CDH12: variants seen among roughly 807,000 people sequenced by gnomAD.
CDH12 encodes the protein cadherin-12.
CDH12 carries 41 observed loss-of-function variants against 74.1 expected under a neutral mutation model. The ratio of observed to expected loss-of-function variants is 0.55; its 90% confidence interval spans 0.43 to 0.72. The LOEUF (loss-of-function observed/expected upper bound fraction) is 0.72, where lower values mean the gene tolerates loss of function less well. Among genes scored for constraint, CDH12 ranks in the 30% least tolerant of loss-of-function variants. The probability of loss-of-function intolerance (pLI) is 0.00; values close to 1 mark genes in which losing one functional copy is unlikely to be tolerated. For synonymous variants in CDH12, 399 were observed against 355.0 expected (o/e 1.12, Z -1.39); for missense variants, 945 against 977.2 (o/e 0.97, Z 0.44).
chr5:21,882,569 T>TGCA (rs1752412440), intron 6 of CDH12: 11 of 1,487,638 alleles, frequency 7.4e-6, no homozygotes, highest in Non-Finnish European at 1.0e-5. Flanking sequence ...GCGCATGCCC[T>TGCA]GCAGCCGCCC....
intron 3 of CDH12, among the ~76,000 whole-genome samples, chr5:22,296,146 T>C (rs907871304): frequency 5.3e-5 from 8 of 151,836 alleles, no homozygotes; most frequent in African/African-American, 1.9e-4. Context: ...TAAAAATGTA[T>C]TAGAAAAATT....
chr5:21,916,637 T>G (rs922945067), intron 6 of CDH12, among the ~76,000 whole-genome samples: 1 of 152,140 alleles, frequency 6.6e-6, no homozygotes, highest in Admixed American at 6.6e-5. Flanking sequence ...GTAAGTGACA[T>G]CTGCTTCCAG....
intron 3 of CDH12, among the ~76,000 whole-genome samples, chr5:22,374,250 A>T (rs964700729): frequency 1.3e-5 from 2 of 152,182 alleles, no homozygotes; most frequent in African/African-American, 4.8e-5. Flanking sequence ...AATGGAAAAA[A>T]AATCAATATC....
At chr5:21,957,319 T>C (rs184571867) in intron 6 of CDH12, among the ~76,000 whole-genome samples, 252 of 152,332 alleles carry the variant, frequency 1.7e-3, no homozygotes, top group African/African-American at 5.9e-3. Flanking sequence ...CTCTTATTGA[T>C]GAGCATTGAG....
At chr5:22,656,562 G>T (rs932399295) in intron 1 of CDH12, among the ~76,000 whole-genome samples, 4 of 152,092 alleles carry the variant, frequency 2.6e-5, no homozygotes, top group Non-Finnish European at 4.4e-5. Flanking sequence ...GCTGTAACTT[G>T]AACAAATTGA....
At chr5:22,514,170 A>T (rs2126676209) in intron 1 of CDH12, among the ~76,000 whole-genome samples, 1 of 152,196 alleles carries the variant, frequency 6.6e-6, no homozygotes, top group African/African-American at 2.4e-5. Flanking sequence ...AGAGTAAGAT[A>T]AAAATATGTC....
chr5:22,605,352 A>T (rs1378251885), intron 1 of CDH12, among the ~76,000 whole-genome samples: 1 of 152,182 alleles, frequency 6.6e-6, no homozygotes, highest in African/African-American at 2.4e-5. Flanking sequence ...TCCTGACTGA[A>T]GCACCTATGA....
chr5:21,978,503 T>TA (rs1757164659), intron 5 of CDH12, among the ~76,000 whole-genome samples: 1 of 152,314 alleles, frequency 6.6e-6, no homozygotes, highest in East Asian at 1.9e-4. Context: ...GGTAAATATA[T>TA]ATAAATACAT....
At chr5:22,409,019 C>T (rs1743069124) in intron 2 of CDH12, among the ~76,000 whole-genome samples, 1 of 151,956 alleles carries the variant, frequency 6.6e-6, no homozygotes, top group Non-Finnish European at 1.5e-5. Flanking sequence ...ATATTAGTAT[C>T]TTAATAAAAA....
intron 4 of CDH12, among the ~76,000 whole-genome samples, chr5:22,175,875 T>C (rs1749303641): frequency 6.6e-6 from 1 of 152,280 alleles, no homozygotes; most frequent in South Asian, 2.1e-4. Context: ...AGGAGCTTTC[T>C]CCTTTTAACT....
intron 1 of CDH12, among the ~76,000 whole-genome samples, chr5:22,715,392 C>T (rs1467609673): frequency 2.6e-5 from 4 of 152,112 alleles, no homozygotes; most frequent in Non-Finnish European, 4.4e-5. Context: ...TATTTGAAAG[C>T]GTTAGTTTTT....
At chr5:22,472,672 A>G (rs1013732535) in intron 2 of CDH12, among the ~76,000 whole-genome samples, 3 of 152,034 alleles carry the variant, frequency 2.0e-5, no homozygotes, top group South Asian at 2.1e-4. Flanking sequence ...ATACATCTCT[A>G]TTTTATTCTC....
chr5:22,813,677 G>A (rs111280625), intron 1 of CDH12, among the ~76,000 whole-genome samples: 8 of 152,132 alleles, frequency 5.3e-5, no homozygotes, highest in African/African-American at 1.2e-4. Flanking sequence ...AAGTCATCTC[G>A]GGGTGGCTCA....
At chr5:22,075,477 T>C (rs1023083858) in intron 5 of CDH12, among the ~76,000 whole-genome samples, 1 of 151,998 alleles carries the variant, frequency 6.6e-6, no homozygotes, top group East Asian at 1.9e-4. Flanking sequence ...AAAAACTTTA[T>C]GATGACCCAC....
chr5:22,788,365 G>T (rs988102560), intron 1 of CDH12, among the ~76,000 whole-genome samples: 1 of 151,506 alleles, frequency 6.6e-6, no homozygotes, highest in Non-Finnish European at 1.5e-5. Context: ...ACCTTTATTT[G>T]CTACATCTTT....
intron 1 of CDH12, among the ~76,000 whole-genome samples, chr5:22,655,816 G>A (rs148048060): frequency 1.5e-3 from 225 of 152,160 alleles, no homozygotes; most frequent in African/African-American, 5.2e-3. Flanking sequence ...TCCCCATATG[G>A]GAATCAGAAT....
At chr5:22,171,201 C>G (rs1000837187) in intron 4 of CDH12, among the ~76,000 whole-genome samples, 3 of 151,842 alleles carry the variant, frequency 2.0e-5, no homozygotes, top group African/African-American at 7.2e-5. Context: ...ATTTATCATG[C>G]AGATGACTGG....
At chr5:22,396,636 C>A (rs1742474434) in intron 3 of CDH12, among the ~76,000 whole-genome samples, 1 of 152,052 alleles carries the variant, frequency 6.6e-6, no homozygotes, top group Non-Finnish European at 1.5e-5. Context: ...TAGTATAAAA[C>A]ATGCAGTGTA....
intron 6 of CDH12, among the ~76,000 whole-genome samples, chr5:21,915,157 A>T (rs1003304028): frequency 2.0e-5 from 3 of 152,174 alleles, no homozygotes; most frequent in Non-Finnish European, 2.9e-5. Context: ...CATAATTAGA[A>T]TCTGTCTTCT....
Sources: gnomAD v4.1 joint callset for allele counts (sites outside exome capture counted in the v4.1 genomes callset) on GRCh38, gnomAD v4.1.1 for gene constraint, MANE v1.5 for transcripts, NCBI Gene and HGNC (gene_info 2026-07-23, HGNC 2026-07-21) for gene names.